WDR11: variants seen among roughly 807,000 people sequenced by gnomAD.
The protein encoded by WDR11 is WD repeat-containing protein 11.
Under a neutral mutation model 151.2 loss-of-function variants are expected in WDR11, and 83 were observed. That is an observed-to-expected ratio of 0.55 (90% CI 0.46 to 0.66). The LOEUF (loss-of-function observed/expected upper bound fraction) is 0.66. Ranked by LOEUF, WDR11 falls within the 30% of genes least tolerant of loss-of-function variation. The probability of loss-of-function intolerance (pLI) is 0.00; values close to 1 mark genes in which losing one functional copy is unlikely to be tolerated. For synonymous variants in WDR11, 484 were observed against 533.1 expected (o/e 0.91, Z 1.27); for missense variants, 1,301 against 1,480.9 (o/e 0.88, Z 1.99).
At position 120,865,655 on chromosome 10, in the gene WDR11, GTTTAT is replaced by G. The variant is rs1846287357; in HGVS notation, c.909_913del (p.Phe304SerfsTer3). 6.2e-7 allele frequency: 1 copy of G among 1,610,256 alleles called. No individual in the cohort carries two copies. Among genetic ancestry groups the G allele is most frequent in the East Asian group, 2.2e-5 (1 of 44,714 alleles). ...GTAATACCCTGCTTTCAGCGTGATG[GTTTAT>G]TTTGTCTACATGAAAATGGTTGTAT... On this transcript the variant is annotated frameshift_variant, in exon 7 of 29. Coordinates refer to ENST00000263461, the MANE Select transcript of WDR11 (RefSeq NM_018117.12). LOFTEE classifies it high-confidence loss of function.
At chr10:120,902,145 A>C in intron 21 of WDR11, 112 bp from the exon 22 acceptor site, 2 of 880,274 alleles carry the variant, frequency 2.3e-6, no homozygotes, top group Non-Finnish European at 3.8e-6. Flanking sequence ...TGTAAATTCT[A>C]AACATGTTAT....
At chr10:120,858,218 C>G (rs1482954899) in intron 2 of WDR11, among the ~76,000 whole-genome samples, 1 of 151,812 alleles carries the variant, frequency 6.6e-6, no homozygotes, top group Admixed American at 6.6e-5. Flanking sequence ...CTTCTCCTGA[C>G]TTTCCCTCTG....
chr10:120,871,451 G>C, intron 10 of WDR11, 105 bp downstream of exon 10: 1 of 1,231,532 alleles, frequency 8.1e-7, no homozygotes, highest in African/African-American at 1.6e-5. Flanking sequence ...GCTTTAAAAG[G>C]AGATAGAGAC....
rs1013120030 is a variant in WDR11, at chr10:120,860,177, A to G, written c.421A>G (p.Ile141Val). Reference protein sequence around the residue: ...LLLAIHPPNYIVLWNADTGTK... With the variant: ...LLLAIHPPNYVVLWNADTGTK... ...GCTTGCTATCCACCCGCCAAATTAC[A>G]TTGTGCTCTGGAATGCCGACACTGG... is the stretch of plus-strand genomic sequence containing the variant. The change falls in exon 4 of 29, where the codon ATT (isoleucine) becomes GTT (valine). Residue 141 changes from isoleucine to valine, a missense_variant. This residue lies in a region of WDR11 where 692 missense variants were observed against 762.5 expected (regional missense o/e 0.91). Transcript: ENST00000263461. The G allele has an allele frequency of 6.2e-6, 10 of 1,614,022 alleles. No homozygotes were observed. The African/African-American group carries it at 1.1e-4, about 17-fold the overall frequency.
At chr10:120,856,946 C>T (rs1051572319) in intron 2 of WDR11, among the ~76,000 whole-genome samples, 1 of 152,094 alleles carries the variant, frequency 6.6e-6, no homozygotes, top group Non-Finnish European at 1.5e-5. Flanking sequence ...GCTCTGGTCA[C>T]AACATTTTCA....
chr10:120,874,208 G>GTTTGT (rs1182228470), intron 11 of WDR11, among the ~76,000 whole-genome samples: 1 of 91,896 alleles, frequency 1.1e-5, no homozygotes, highest in Non-Finnish European at 2.2e-5. Context: ...TGTTGTTGTT[G>GTTTGT]TTTGTTTTGT....
intron 5 of WDR11, among the ~76,000 whole-genome samples, chr10:120,863,862 CTAGT>C (rs1298816267): frequency 4.6e-5 from 7 of 152,106 alleles, no homozygotes; most frequent in African/African-American, 1.2e-4. Flanking sequence ...GTTAAGTTCA[CTAGT>C]TAATTTATCT....
At chr10:120,898,402 C>G (rs911888201) in intron 19 of WDR11, among the ~76,000 whole-genome samples, 1 of 152,198 alleles carries the variant, frequency 6.6e-6, no homozygotes, top group Non-Finnish European at 1.5e-5. Flanking sequence ...AATCAATAAT[C>G]ACTTTTTAAG....
At chr10:120,880,638 A>T in intron 12 of WDR11, 188 bp from the exon 13 acceptor site, 1 of 556,516 alleles carries the variant, frequency 1.8e-6, no homozygotes, top group East Asian at 3.3e-5. Flanking sequence ...CAGCCTGGGT[A>T]ACAAAGTGAG....
intron 11 of WDR11, among the ~76,000 whole-genome samples, chr10:120,874,921 G>A (rs1304816589): frequency 1.3e-5 from 2 of 151,760 alleles, no homozygotes; most frequent in Admixed American, 6.6e-5. Flanking sequence ...TAGGTTTTAA[G>A]CCCCACATGC....
rs368886889 is a variant in WDR11, at chr10:120,865,310, CTT to C, written c.879+100_879+101del. On this transcript the variant is annotated intron_variant, in intron 6 of 28. Transcript: ENST00000263461. ...CATAAGTCTTGTCTTCAGTTCTCCA[CTT>C]TCTCTTTTCAATTTATCAAAAGACT... is the stretch of plus-strand genomic sequence containing the variant. 1.0e-5 allele frequency: 13 copies of C among 1,242,830 alleles called. No individual in the cohort carries two copies. The African/African-American group carries it at 1.7e-4, about 16-fold the overall frequency. 77.0% of individuals were successfully genotyped at this position (1,242,830 alleles called of 1,614,324 possible).
At chr10:120,906,941 C>G (rs924237163) in intron 28 of WDR11, 86 bp downstream of exon 28, 1 of 1,563,198 alleles carries the variant, frequency 6.4e-7, no homozygotes, top group Non-Finnish European at 8.8e-7. Context: ...GCTGCCTGGA[C>G]AGGAACTATA....
intron 2 of WDR11, among the ~76,000 whole-genome samples, chr10:120,853,573 G>A (rs186815310): frequency 1.3e-4 from 20 of 152,234 alleles, no homozygotes; most frequent in African/African-American, 4.8e-4. Context: ...CAGGAATTTG[G>A]ATTTTTGAGT....
intron 10 of WDR11, among the ~76,000 whole-genome samples, chr10:120,872,936 A>G (rs536793636): frequency 6.6e-6 from 1 of 152,262 alleles, no homozygotes; most frequent in East Asian, 1.9e-4. Context: ...GCATGAATTC[A>G]TTAATCTTTA....
intron 2 of WDR11, among the ~76,000 whole-genome samples, chr10:120,854,509 C>T (rs542578432): frequency 9.8e-5 from 15 of 152,294 alleles, no homozygotes; most frequent in African/African-American, 3.6e-4. Context: ...GTTTTCATTT[C>T]CCTTGAGTAT....
intron 9 of WDR11, among the ~76,000 whole-genome samples, chr10:120,869,409 G>A (rs1231740537): frequency 6.6e-6 from 1 of 152,090 alleles, no homozygotes; most frequent in African/African-American, 2.4e-5. Flanking sequence ...CACCGCGCCC[G>A]GCCAAATTAC....
intron 19 of WDR11, among the ~76,000 whole-genome samples, chr10:120,891,232 G>T (rs996244785): frequency 1.3e-5 from 2 of 152,136 alleles, no homozygotes; most frequent in Non-Finnish European, 2.9e-5. Flanking sequence ...TGATAAGGCT[G>T]CTGGCTTTTT....
At chr10:120,906,119 A>G (rs1848034275) in intron 27 of WDR11, 98 bp downstream of exon 27, 3 of 1,603,196 alleles carry the variant, frequency 1.9e-6, no homozygotes, top group Admixed American at 1.7e-5. Flanking sequence ...CGATGTGTAA[A>G]GTGAAAGGAG....
At chr10:120,905,836 T>C (rs771080257) in intron 26 of WDR11, 40 bp from the exon 27 acceptor site, 8 of 1,613,994 alleles carry the variant, frequency 5.0e-6, no homozygotes, top group African/African-American at 1.3e-5. Flanking sequence ...CTTTATAGAG[T>C]GCAGGATGTT....
Sources: allele counts gnomAD v4.1 joint callset (sites outside exome capture counted in the v4.1 genomes callset), GRCh38; gene constraint gnomAD v4.1.1; regional missense constraint gnomAD v4.1.1; transcripts MANE v1.5; gene names NCBI Gene and HGNC (gene_info 2026-07-23, HGNC 2026-07-21).